Variants in ABHD6 observed in about 807,000 individuals in gnomAD.
ABHD6 encodes the protein monoacylglycerol lipase ABHD6.
A neutral mutation model predicts 38.8 loss-of-function variants in ABHD6; 33 were observed. The observed-to-expected ratio is 0.85, with a 90% CI of 0.64 to 1.14. The LOEUF (loss-of-function observed/expected upper bound fraction) is 1.14. ABHD6 is among the 50% of genes most tolerant of loss of function. The pLI is 0.00. For missense variants in ABHD6, 380 were observed against 422.6 expected (o/e 0.90, Z 0.88); for synonymous variants, 147 against 161.6 (o/e 0.91, Z 0.69).
In ABHD6 at chr3:58,251,233, C is replaced by G. The variant is rs1188133951; in HGVS notation, c.-26+1291C>G. 6.6e-6 allele frequency among the ~76,000 whole-genome samples: 1 copy of G among 151,632 alleles called. No individual in the cohort carries two copies. Among genetic ancestry groups the G allele is most frequent in the African/African-American group, 2.4e-5 (1 of 41,222 alleles). On this transcript the variant is annotated intron_variant, in intron 2 of 9. Coordinates refer to ENST00000478253, the MANE Select transcript of ABHD6 (RefSeq NM_001320126.2). The surrounding 1 kb of genome is among the most constrained non-coding windows in gnomAD (Gnocchi z 5.4). Reference sequence around the variant, plus strand: ...TCAGGAGGCTGAGACAGGAGAAGCACTTGAACCCAGGAGGCGGAGGTTGCA... The same window carrying G: ...TCAGGAGGCTGAGACAGGAGAAGCAGTTGAACCCAGGAGGCGGAGGTTGCA...
Position 58,256,560 on chromosome 3 carries a change from A to G in ABHD6, c.-25-2A>G. ...TATCGTCATTCTCTTTGGCCCCTGC[A>G]GGAGTCAGCCAGCCTGAAAGAGCAG... On this transcript the variant is annotated splice_acceptor_variant, in intron 2 of 9. Transcript: ENST00000478253. LOFTEE classifies it low-confidence loss of function (5UTR_SPLICE). The surrounding 1 kb of genome is among the most constrained non-coding windows in gnomAD (Gnocchi z 4.3). 6.4e-7 allele frequency: 1 copy of G among 1,550,970 alleles called. No individual in the cohort carries two copies. Among genetic ancestry groups the G allele is most frequent in the Non-Finnish European group, 8.9e-7 (1 of 1,124,726 alleles).
At chr3:58,246,265 G>T (rs958101777) in intron 1 of ABHD6, among the ~76,000 whole-genome samples, 3 of 152,136 alleles carry the variant, frequency 2.0e-5, no homozygotes, top group Non-Finnish European at 2.9e-5. Flanking sequence ...TCAAGCAGGC[G>T]GTTATTCCAG....
intron 6 of ABHD6, among the ~76,000 whole-genome samples, chr3:58,271,543 G>A (rs1041807927): frequency 1.3e-5 from 2 of 151,878 alleles, no homozygotes; most frequent in African/African-American, 4.8e-5. Context: ...TAAAAACTGA[G>A]AGATCTTTAT....
At chr3:58,250,331 A>G (rs1203002471) in intron 2 of ABHD6, among the ~76,000 whole-genome samples, 2 of 152,160 alleles carry the variant, frequency 1.3e-5, no homozygotes, top group Non-Finnish European at 2.9e-5. Context: ...GCAGGAAGGA[A>G]GACAGAATGA....
chr3:58,271,572 A>T lies in ABHD6; in HGVS notation c.523+508A>T, dbSNP rs572951017. ...TCTTTATTTATTATAATAAGATCTT[A>T]AAAAAAATCCAGCTTTAGTTTCTCT... On this transcript the variant is annotated intron_variant, in intron 6 of 9. Transcript: ENST00000478253. Among the ~76,000 whole-genome samples the T allele has an allele frequency of 2.0e-4, 31 of 152,032 alleles. No homozygotes were observed. The South Asian group carries it at 2.9e-3, about 14-fold the overall frequency.
At chr3:58,283,784 C>A (rs3773005) in intron 7 of ABHD6, among the ~76,000 whole-genome samples, 83,840 of 152,024 alleles carry the variant, frequency 0.55, 25,837 homozygotes, top group African/African-American at 0.84. Flanking sequence ...TGGATGGCTG[C>A]ATTGAGCAGA....
rs1270904736 is a variant in ABHD6, at chr3:58,293,551, T to C, written c.838-38T>C. The stretch of plus-strand genomic sequence containing the variant: ...CAGAGTGCACACGTGGGTGTCTGAA[T>C]CTTTGTGTATCATCCAGCTCCCTTT... On this transcript the variant is annotated intron_variant, in intron 9 of 9. Transcript: ENST00000478253. The surrounding 1 kb of genome is among the most constrained non-coding windows in gnomAD (Gnocchi z 4.4). 1 of 1,606,772 alleles carries C rather than the reference T, an allele frequency of 6.2e-7. No individual in the cohort carries two copies. Among genetic ancestry groups the C allele is most frequent in the African/African-American group, 1.3e-5 (1 of 74,738 alleles).
In ABHD6 at chr3:58,251,338, AAGAC is replaced by A. The variant is rs1168784331; in HGVS notation, c.-26+1400_-26+1403del. 1.3e-5 allele frequency among the ~76,000 whole-genome samples: 2 copies of A among 152,076 alleles called. No homozygotes were observed. The highest frequency in any genetic ancestry group is 4.8e-5 in the African/African-American group (2 of 41,418). Reference sequence around the variant, plus strand: ...TCTAAAAAAAAAAAAGAAAGAAAAAAAGACAGAAATCAGTAAGTCAGGCGAAGCG... The same window carrying A: ...TCTAAAAAAAAAAAAGAAAGAAAAAAAGAAATCAGTAAGTCAGGCGAAGCG... On this transcript the variant is annotated intron_variant, in intron 2 of 9. Coordinates refer to ENST00000478253, the MANE Select transcript of ABHD6 (RefSeq NM_001320126.2). The surrounding 1 kb of genome is among the most constrained non-coding windows in gnomAD (Gnocchi z 5.4).
chr3:58,275,820 A>G (rs975584378), intron 7 of ABHD6, among the ~76,000 whole-genome samples: 5 of 151,826 alleles, frequency 3.3e-5, no homozygotes, highest in East Asian at 1.9e-4. Context: ...CTGGTGTCCA[A>G]GTGTTCTAAT....
chr3:58,282,613 G>T (rs1210762010), intron 7 of ABHD6, among the ~76,000 whole-genome samples: 2 of 152,164 alleles, frequency 1.3e-5, no homozygotes, highest in Non-Finnish European at 2.9e-5. Context: ...GTGCGTGCCT[G>T]TAGATCCAGC....
rs1201477448 is a variant in ABHD6 at position 58,274,711 on chromosome 3, G to C, written c.577G>C (p.Gly193Arg). 2.5e-6 allele frequency: 4 copies of C among 1,614,220 alleles called. No homozygotes were observed. In the Admixed American group the frequency reaches 5.0e-5, roughly 20 times the overall value. Residue 193 changes from glycine (G) to arginine (R), a missense_variant, in exon 7 of 10, where the codon GGC (glycine) becomes CGC (arginine). Physicochemically the swap from Gly to Arg is moderately radical, Grantham distance 125 (BLOSUM62 -2). Transcript: ENST00000478253. ...TGTACAACGGCTCAAAGAACTGCAG[G>C]GCTCTGCCGCCGTGGAGAAGATTCC... ...QFVQRLKELQ[G>R]SAAVEKIPLI...
chr3:58,278,739 G>A (rs2097450726), intron 7 of ABHD6, among the ~76,000 whole-genome samples: 1 of 152,144 alleles, frequency 6.6e-6, no homozygotes. Context: ...TGGGCATTTA[G>A]TGCTATAAAT....
chr3:58,285,010 A>G lies in ABHD6; in HGVS notation c.682-75A>G. The G allele has an allele frequency of 7.1e-7, 1 of 1,407,550 alleles. No homozygotes were observed. Among genetic ancestry groups the G allele is most frequent in the South Asian group, 1.2e-5 (1 of 86,650 alleles). The allele number at this position is 1,407,550 out of a possible 1,614,324, so 87.2% of individuals were successfully genotyped here. On this transcript the variant is annotated intron_variant, in intron 7 of 9. Transcript: ENST00000478253. This position sits in a 1 kb window ranked among gnomAD's most constrained non-coding sequence, Gnocchi z 4.9. ...AAATTGCTGGACCTCATTCCCATTC[A>G]TTGTCCCAGAGCTGTGAGAGGCCTG...
In ABHD6 at chr3:58,257,844, A is replaced by G. The variant is rs1041208634; in HGVS notation, c.119+1139A>G. Among the ~76,000 whole-genome samples the G allele has an allele frequency of 6.6e-6, 1 of 152,186 alleles. No homozygotes were observed. The highest frequency in any genetic ancestry group is 6.5e-5 in the Admixed American group (1 of 15,276). On this transcript the variant is annotated intron_variant, in intron 3 of 9. Coordinates refer to ENST00000478253, the MANE Select transcript of ABHD6 (RefSeq NM_001320126.2). The surrounding 1 kb of genome is among the most constrained non-coding windows in gnomAD (Gnocchi z 4.8). ...GAAAAAGAAGTTTCCAAAATATGTC[A>G]TTCTTGTACCACTGTTATTATTCTT...
Position 58,285,163 on chromosome 3 carries a change from G to A in ABHD6, c.736+24G>A. On this transcript the variant is annotated intron_variant, in intron 8 of 9. Coordinates refer to ENST00000478253, the MANE Select transcript of ABHD6 (RefSeq NM_001320126.2). This position sits in a 1 kb window ranked among gnomAD's most constrained non-coding sequence, Gnocchi z 4.9. ...GTGTAAGTAGCCCTACTTTCAGCTT[G>A]GAGCTTGTTACAAGTGAAGCTCTGT... 1 of 1,611,224 alleles carries A rather than the reference G, an allele frequency of 6.2e-7. No homozygotes were observed. The highest frequency in any genetic ancestry group is 8.5e-7 in the Non-Finnish European group (1 of 1,177,370).
rs768619665 is a variant in ABHD6 at position 58,270,503 on chromosome 3, C to CAAAAAAAAAAAA, written c.391-419_391-408dup. 3.3e-5 allele frequency among the ~76,000 whole-genome samples: 2 copies of CAAAAAAAAAAAA among 60,656 alleles called. 1 individual carries two copies. Among genetic ancestry groups the CAAAAAAAAAAAA allele is most frequent in the African/African-American group, 9.9e-5 (2 of 20,112 alleles). The allele number at this position is 60,656 out of a possible 152,430, so 39.8% of individuals were successfully genotyped here. On this transcript the variant is annotated intron_variant, in intron 5 of 9. Transcript: ENST00000478253. ...ACAATATGGTGAAACCTCATCTCTACAAAAAAAAAAAAAAAAAAAAATCAG... is the reference window on the plus strand; with the variant it reads ...ACAATATGGTGAAACCTCATCTCTACAAAAAAAAAAAAAAAAAAAAAAAAAAAAAAAAATCAG...
chr3:58,239,471 A>G (rs920230986), intron 1 of ABHD6, among the ~76,000 whole-genome samples: 1 of 152,170 alleles, frequency 6.6e-6, no homozygotes, highest in Admixed American at 6.5e-5. Context: ...GAAATTAACC[A>G]TTTTGTGTGC....
chr3:58,248,513 A>G (rs1191246572), intron 1 of ABHD6, among the ~76,000 whole-genome samples: 1 of 152,214 alleles, frequency 6.6e-6, no homozygotes, highest in Non-Finnish European at 1.5e-5. Context: ...AGCCTGACCA[A>G]CATGGAGAAA....
intron 1 of ABHD6, among the ~76,000 whole-genome samples, chr3:58,249,603 C>T (rs1032295894): frequency 3.3e-5 from 5 of 152,198 alleles, no homozygotes; most frequent in African/African-American, 4.8e-5. Context: ...GACTACTTAC[C>T]AGATTTCTTC....
Sources: allele counts gnomAD v4.1 joint callset (sites outside exome capture counted in the v4.1 genomes callset), GRCh38; gene constraint gnomAD v4.1.1; non-coding constraint Gnocchi (gnomAD v3.1); transcripts MANE v1.5; gene names NCBI Gene and HGNC (gene_info 2026-07-23, HGNC 2026-07-21).